Variants in DCC observed in about 807,000 individuals in gnomAD.
The protein encoded by DCC is DCC netrin 1 receptor.
Under a neutral mutation model 172.5 loss-of-function variants are expected in DCC, and 58 were observed. That is an observed-to-expected ratio of 0.34 (90% confidence interval 0.27 to 0.42). DCC has a LOEUF of 0.42. DCC is among the 10% of genes least tolerant of loss of function. The pLI is 1.00. For missense variants in DCC, 1,740 were observed against 1,791.0 expected, an observed-to-expected ratio of 0.97 and a Z score of 0.51; for synonymous variants, 709 against 644.5, an observed-to-expected ratio of 1.10 and a Z score of -1.52.
intron 1 of DCC, among the ~76,000 whole-genome samples, chr18:52,626,741 C>T (rs1159586478): frequency 6.6e-6 from 1 of 152,182 alleles, no homozygotes; most frequent in Non-Finnish European, 1.5e-5. Flanking sequence ...GAATTTCTCA[C>T]ATGCTGCGTA....
intron 11 of DCC, among the ~76,000 whole-genome samples, chr18:53,209,010 C>T (rs1485170476): frequency 6.6e-6 from 1 of 152,148 alleles, no homozygotes; most frequent in Non-Finnish European, 1.5e-5. Flanking sequence ...GGATTACAAG[C>T]GTGAGCCACT....
intron 7 of DCC, among the ~76,000 whole-genome samples, chr18:53,098,432 T>A (rs2043117668): frequency 6.6e-6 from 1 of 152,186 alleles, no homozygotes; most frequent in African/African-American, 2.4e-5. Context: ...ACTTTTTCCA[T>A]TTTTCTTTGA....
At position 52,980,522 on chromosome 18, in the gene DCC, A is replaced by G. The variant is rs574496750; in HGVS notation, c.985+55152A>G. ...TCAAGGGATGATTAGGACTACTTCT[A>G]TACAACAATTGAGGTAGAGAAGAAA... On this transcript the variant is annotated intron_variant, in intron 5 of 28. Transcript: ENST00000442544. Among the ~76,000 whole-genome samples, 18 of 152,228 alleles carry G rather than the reference A, an allele frequency of 1.2e-4. No homozygotes were observed. In the South Asian group the frequency reaches 3.5e-3, roughly 30 times the overall value.
intron 2 of DCC, among the ~76,000 whole-genome samples, chr18:52,800,199 A>C (rs938833147): frequency 6.6e-6 from 1 of 152,308 alleles, no homozygotes; most frequent in African/African-American, 2.4e-5. Context: ...TACCTTCAGC[A>C]AAATCTGTTC....
At chr18:52,760,249 G>A (rs1352819591) in intron 2 of DCC, among the ~76,000 whole-genome samples, 2 of 152,134 alleles carry the variant, frequency 1.3e-5, no homozygotes, top group Non-Finnish European at 1.5e-5. Flanking sequence ...AGTGAAGTGG[G>A]GGAAAGCCAC....
In DCC at chr18:52,414,174, G is replaced by A. The variant is rs193066347; in HGVS notation, c.91+73296G>A. The stretch of plus-strand genomic sequence containing the variant: ...CAGCTCACTGCAACCTCCACCTCCT[G>A]GGTTCAAGTGATTCTCCTGCCTCAG... On this transcript the variant is annotated intron_variant, in intron 1 of 28. Transcript: ENST00000442544. Among the ~76,000 whole-genome samples, 305 of 152,146 alleles carry A rather than the reference G, an allele frequency of 2.0e-3. 4 individuals carry two copies. The highest frequency in any genetic ancestry group is 0.014 in the East Asian group (70 of 5,148).
intron 7 of DCC, among the ~76,000 whole-genome samples, chr18:53,091,881 A>G (rs187420250): frequency 4.6e-4 from 69 of 151,542 alleles, no homozygotes; most frequent in Admixed American, 1.2e-3. Context: ...ATATATCTAC[A>G]TAAATATGTC....
chr18:52,363,209 G>A (rs1053258076), intron 1 of DCC, among the ~76,000 whole-genome samples: 1 of 152,170 alleles, frequency 6.6e-6, no homozygotes. Context: ...AACTTTGTTG[G>A]TTTACCATCA....
chr18:52,906,292 A>G lies in DCC; in HGVS notation c.661A>G (p.Arg221Gly), dbSNP rs760781872. Residue 221 changes from arginine to glycine, a missense_variant, in exon 3 of 29, where the codon AGA becomes GGA. Physicochemically the swap from Arg to Gly is moderately radical, Grantham distance 125. Transcript: ENST00000442544. ...CTCAGCTCGAAATCCAGCCAGCTCAAGAACAGGAAATGAAGCAGAAGTCAG... is the reference window on the plus strand; with the variant it reads ...CTCAGCTCGAAATCCAGCCAGCTCAGGAACAGGAAATGAAGCAGAAGTCAG... ...RCSARNPASS[R>G]TGNEAEVRIL... 6.2e-7 allele frequency: 1 copy of G among 1,614,054 alleles called. No homozygotes were observed. Among genetic ancestry groups the G allele is most frequent in the East Asian group, 2.2e-5 (1 of 44,876 alleles).
At chr18:52,347,060 G>T (rs1005184136) in intron 1 of DCC, among the ~76,000 whole-genome samples, 1 of 152,158 alleles carries the variant, frequency 6.6e-6, no homozygotes, top group Non-Finnish European at 1.5e-5. Context: ...CTACTCCTAA[G>T]AGTATCTAGG....
At chr18:52,804,987 T>C (rs138297611) in intron 2 of DCC, among the ~76,000 whole-genome samples, 26 of 152,184 alleles carry the variant, frequency 1.7e-4, no homozygotes, top group Non-Finnish European at 2.8e-4. Flanking sequence ...TTCATCAGGA[T>C]AGATTTTTTT....
intron 2 of DCC, among the ~76,000 whole-genome samples, chr18:52,803,410 C>G (rs2038029908): frequency 6.6e-6 from 1 of 152,146 alleles, no homozygotes; most frequent in Non-Finnish European, 1.5e-5. Flanking sequence ...ATGTGTACTA[C>G]AGTTAATTTT....
At chr18:53,118,420 T>A (rs2144278996) in intron 7 of DCC, among the ~76,000 whole-genome samples, 1 of 151,926 alleles carries the variant, frequency 6.6e-6, no homozygotes, top group East Asian at 2.0e-4. Flanking sequence ...TTTGAGTGAT[T>A]ATTCCATGTC....
intron 5 of DCC, among the ~76,000 whole-genome samples, chr18:53,012,948 G>A (rs1467134739): frequency 6.6e-6 from 1 of 152,076 alleles, no homozygotes; most frequent in African/African-American, 2.4e-5. Context: ...GAAGACATCT[G>A]CAGCCAACAA....
chr18:53,100,231 G>T (rs1050445519), intron 7 of DCC, among the ~76,000 whole-genome samples: 1 of 151,906 alleles, frequency 6.6e-6, no homozygotes, highest in Non-Finnish European at 1.5e-5. Flanking sequence ...TACAGTGTGA[G>T]CCACTGTGCC....
At chr18:53,352,198 G>C (rs192543051) in intron 15 of DCC, among the ~76,000 whole-genome samples, 123 of 152,124 alleles carry the variant, frequency 8.1e-4, no homozygotes, top group African/African-American at 2.8e-3. Context: ...ATAGGACACA[G>C]CCTAAAGTTT....
At chr18:53,293,624 A>T (rs952750661) in intron 12 of DCC, among the ~76,000 whole-genome samples, 1 of 152,064 alleles carries the variant, frequency 6.6e-6, no homozygotes, top group Non-Finnish European at 1.5e-5. Context: ...CCCTCCTCGC[A>T]CCCTATACCT....
In DCC at chr18:53,343,410, G is replaced by A. The variant is rs546959495; in HGVS notation, c.2359+3503G>A. On this transcript the variant is annotated intron_variant, in intron 15 of 28. Coordinates refer to ENST00000442544, the MANE Select transcript of DCC (RefSeq NM_005215.4). ...TTTATTAGATAACTTTCTATCTTTT[G>A]AAATGAACTTTTTTTTTCTTTTTTT... is the stretch of plus-strand genomic sequence containing the variant. Among the ~76,000 whole-genome samples the A allele has an allele frequency of 4.0e-5, 6 of 151,878 alleles. No individual in the cohort carries two copies. In the South Asian group the frequency reaches 1.2e-3, roughly 32 times the overall value.
intron 1 of DCC, among the ~76,000 whole-genome samples, chr18:52,524,890 AT>A (rs34077835): frequency 6.6e-6 from 1 of 151,518 alleles, no homozygotes; most frequent in Non-Finnish European, 1.5e-5. Context: ...AGGTTTTTAG[AT>A]TTTTTTTTAT....
Sources: allele counts gnomAD v4.1 joint callset (sites outside exome capture counted in the v4.1 genomes callset), GRCh38; gene constraint gnomAD v4.1.1; transcripts MANE v1.5; gene names NCBI Gene and HGNC (gene_info 2026-07-23, HGNC 2026-07-21).